The following EMILIN2 variants were observed in gnomAD, a reference collection of about 807,000 sequenced individuals.
EMILIN2 encodes elastin microfibril interfacer 2, also known as EMILIN-2.
EMILIN2 carries 71 observed loss-of-function variants against 87.1 expected under a neutral mutation model. That is an observed-to-expected ratio of 0.82 (90% CI 0.67 to 0.99). EMILIN2 has a LOEUF of 0.99. Ranked by LOEUF, EMILIN2 falls within the 50% of genes least tolerant of loss-of-function variation. The pLI is 0.00. For synonymous variants in EMILIN2, 581 were observed against 563.4 expected (o/e 1.03, Z -0.44); for missense variants, 1,407 against 1,371.8 (o/e 1.03, Z -0.40).
At chr18:2,874,355 G>A (rs1000810144) in intron 2 of EMILIN2, among the ~76,000 whole-genome samples, 2 of 152,142 alleles carry the variant, frequency 1.3e-5, no homozygotes, top group Admixed American at 6.5e-5. Context: ...GCACCCAGCT[G>A]TAGTTGATTA....
intron 4 of EMILIN2, among the ~76,000 whole-genome samples, chr18:2,900,899 C>T (rs1380155053): frequency 6.6e-6 from 1 of 152,216 alleles, no homozygotes; most frequent in African/African-American, 2.4e-5. Flanking sequence ...TGATCAGCAT[C>T]TTTAAAATAC....
intron 2 of EMILIN2, among the ~76,000 whole-genome samples, chr18:2,874,981 G>A (rs750909598): frequency 1.3e-5 from 2 of 152,216 alleles, no homozygotes; most frequent in Admixed American, 6.5e-5. Flanking sequence ...TTCTCTTGAT[G>A]TACAGGATCT....
At chr18:2,901,957 C>T (rs2076889854) in intron 4 of EMILIN2, among the ~76,000 whole-genome samples, 1 of 152,218 alleles carries the variant, frequency 6.6e-6, no homozygotes, top group South Asian at 2.1e-4. Flanking sequence ...ATCCACGGCA[C>T]TCATGCACGG....
chr18:2,858,545 A>ATGTGTGTGTGTGTG (rs1315716983), intron 2 of EMILIN2, among the ~76,000 whole-genome samples: 1 of 46,508 alleles, frequency 2.2e-5, no homozygotes, highest in Non-Finnish European at 3.5e-5. Flanking sequence ...ATATATATAT[A>ATGTGTGTGTGTGTG]TATATATATA....
chr18:2,913,687 G>A lies in EMILIN2; in HGVS notation c.*283G>A, dbSNP rs975298816. ...CCTGTATCTACACTCTGAGGGCCCTGGACTGGGCCTGAGCTTGCCACAGAG... is the reference window on the plus strand; with the variant it reads ...CCTGTATCTACACTCTGAGGGCCCTAGACTGGGCCTGAGCTTGCCACAGAG... On this transcript the variant is annotated 3_prime_UTR_variant, in exon 8 of 8. Coordinates refer to ENST00000254528, the MANE Select transcript of EMILIN2 (RefSeq NM_032048.3). 8.1e-6 allele frequency: 3 copies of A among 370,968 alleles called. No individual in the cohort carries two copies. Among genetic ancestry groups the A allele is most frequent in the South Asian group, 7.0e-5 (2 of 28,742 alleles). The allele number at this position is 370,968 out of a possible 1,614,324, so 23.0% of individuals were successfully genotyped here.
In EMILIN2 at chr18:2,891,632, G is replaced by A. The variant is rs1349974857; in HGVS notation, c.1505G>A (p.Gly502Glu). The A allele has an allele frequency of 1.9e-6, 3 of 1,614,028 alleles. No individual in the cohort carries two copies. Among genetic ancestry groups the A allele is most frequent in the African/African-American group, 1.3e-5 (1 of 75,032 alleles). The change falls in exon 4 of 8, where the codon GGG (glycine) becomes GAG (glutamate). Residue 502 changes from glycine to glutamate, a missense_variant. Transcript: ENST00000254528. This position sits in a 1 kb window ranked among gnomAD's most constrained non-coding sequence, Gnocchi z 4.6. ...ATACAGTCTCTGGAAGACCGTCTGG[G>A]GAGCGTTCTCCTACAGATGACCAAT... ...QKIQSLEDRLGSVLLQMTNNT... is the reference protein window; with the variant it reads ...QKIQSLEDRLESVLLQMTNNT...
At chr18:2,869,586 A>AG (rs1486824114) in intron 2 of EMILIN2, among the ~76,000 whole-genome samples, 1 of 151,898 alleles carries the variant, frequency 6.6e-6, no homozygotes, top group Non-Finnish European at 1.5e-5. Flanking sequence ...TTCATGTTGT[A>AG]GTATGTATCA....
intron 3 of EMILIN2, among the ~76,000 whole-genome samples, chr18:2,887,792 A>C (rs2076810409): frequency 6.6e-6 from 1 of 152,064 alleles, no homozygotes; most frequent in Non-Finnish European, 1.5e-5. Flanking sequence ...ATTATAAAAA[A>C]AATACTATTT....
chr18:2,910,543 T>A (rs1463756706), intron 7 of EMILIN2, among the ~76,000 whole-genome samples: 1 of 152,132 alleles, frequency 6.6e-6, no homozygotes, highest in Non-Finnish European at 1.5e-5. Flanking sequence ...CCCAGGCAGG[T>A]GTGGGGAGGT....
At chr18:2,870,218 G>A (rs1035280886) in intron 2 of EMILIN2, among the ~76,000 whole-genome samples, 43 of 152,292 alleles carry the variant, frequency 2.8e-4, no homozygotes, top group African/African-American at 1.0e-3. Context: ...TCCAGCCTAC[G>A]TGACAGACCC....
intron 7 of EMILIN2, 25 bp downstream of exon 7, chr18:2,909,844 C>G (rs761121637): frequency 1.9e-6 from 3 of 1,608,822 alleles, no homozygotes; most frequent in Non-Finnish European, 2.5e-6. Flanking sequence ...GGAACTGGTA[C>G]TGTGTCCTCC....
At chr18:2,884,870 C>T in intron 2 of EMILIN2, 94 bp from the exon 3 acceptor site, 2 of 1,372,040 alleles carry the variant, frequency 1.5e-6, no homozygotes, top group Non-Finnish European at 2.0e-6. Context: ...AGGCAGGGTC[C>T]TGCATGCCCT....
intron 4 of EMILIN2, among the ~76,000 whole-genome samples, chr18:2,902,068 G>A (rs970477527): frequency 2.0e-5 from 3 of 152,100 alleles, no homozygotes; most frequent in Admixed American, 2.0e-4. Flanking sequence ...GGGTGTTGAG[G>A]GTGTAATGGA....
At chr18:2,889,242 A>G (rs554897223) in intron 3 of EMILIN2, among the ~76,000 whole-genome samples, 10 of 141,978 alleles carry the variant, frequency 7.0e-5, no homozygotes, top group African/African-American at 2.6e-4. Flanking sequence ...GGTTCAAGCG[A>G]TTTTTCTGTC....
At chr18:2,860,715 T>C (rs1413371121) in intron 2 of EMILIN2, among the ~76,000 whole-genome samples, 2 of 152,210 alleles carry the variant, frequency 1.3e-5, no homozygotes, top group Non-Finnish European at 2.9e-5. Flanking sequence ...CATGTGTCTT[T>C]ATAGCAGCAT....
chr18:2,890,713 A>AG lies in EMILIN2; in HGVS notation c.588dup (p.Thr197AspfsTer4). On this transcript the variant is annotated frameshift_variant, in exon 4 of 8. Transcript: ENST00000254528. LOFTEE classifies it high-confidence loss of function. The surrounding 1 kb of genome is among the most constrained non-coding windows in gnomAD (Gnocchi z 4.7). ...AGAGGAGAAGGTTCTTCGACTCACA[A>AG]GGACGGTTCTTGACCTCCAGTCTTC... 6.2e-7 allele frequency: 1 copy of AG among 1,614,194 alleles called. No homozygotes were observed. Among genetic ancestry groups the AG allele is most frequent in the Middle Eastern group, 1.6e-4 (1 of 6,062 alleles).
In EMILIN2 at chr18:2,913,308, C is replaced by T. The variant is rs372387658; in HGVS notation, c.3066C>T (p.Val1022=). ...TGAAGGCGGGAGATGCAGTCAACGT[C>T]GTGGTGACTGGGGGCAAGCTGGCTC... ...VHLKAGDAVN[V]VVTGGKLAHT... is the part of the protein sequence containing the mutation. Residue 1022 remains valine (V), a synonymous_variant, in exon 8 of 8, where the codon GTC becomes GTT. Transcript: ENST00000254528. 8 of 1,612,946 alleles carry T rather than the reference C, an allele frequency of 5.0e-6. No homozygotes were observed. The highest frequency in any genetic ancestry group is 2.2e-5 in the East Asian group (1 of 44,872).
chr18:2,904,543 G>C (rs2144063397), intron 4 of EMILIN2, among the ~76,000 whole-genome samples: 1 of 152,276 alleles, frequency 6.6e-6, no homozygotes, highest in East Asian at 1.9e-4. Context: ...CCCTTTCATG[G>C]AAATCTCTGG....
At position 2,871,339 on chromosome 18, in the gene EMILIN2, A is replaced by G. The variant is rs148879655; in HGVS notation, c.258-13625A>G. 7.9e-5 allele frequency among the ~76,000 whole-genome samples: 12 copies of G among 152,226 alleles called. No homozygotes were observed. The East Asian group carries it at 2.3e-3, about 29-fold the overall frequency. The stretch of plus-strand genomic sequence containing the variant: ...TGATCCTCCTGCCTCTGCCTCCCTA[A>G]GTATTGTGATTACAGGCGTGAGCCA... On this transcript the variant is annotated intron_variant, in intron 2 of 7. Transcript: ENST00000254528.
Sources: gnomAD v4.1 joint callset for allele counts (sites outside exome capture counted in the v4.1 genomes callset) on GRCh38, gnomAD v4.1.1 for gene constraint, Gnocchi (gnomAD v3.1) non-coding constraint, MANE v1.5 for transcripts, NCBI Gene and HGNC (gene_info 2026-07-23, HGNC 2026-07-21) for gene names.